The following SUGCT variants were observed in gnomAD, a reference collection of about 807,000 sequenced individuals.
The protein encoded by SUGCT is succinyl-CoA:glutarate CoA-transferase.
In SUGCT, 41 loss-of-function variants were observed where a neutral mutation model predicts 55.0. The ratio of observed to expected loss-of-function variants is 0.74; its 90% CI spans 0.58 to 0.97. SUGCT has a LOEUF of 0.97. Among genes scored for constraint, SUGCT ranks in the 50% least tolerant of loss-of-function variants. The pLI is 0.00. For missense variants in SUGCT, 568 were observed against 547.8 expected, an observed-to-expected ratio of 1.04 and a Z score of -0.37; for synonymous variants, 187 against 200.4, an observed-to-expected ratio of 0.93 and a Z score of 0.56.
At chr7:40,708,282 T>C (rs1785526241) in intron 12 of SUGCT, among the ~76,000 whole-genome samples, 1 of 152,174 alleles carries the variant, frequency 6.6e-6, no homozygotes, top group Admixed American at 6.5e-5. Flanking sequence ...TGAGACTTGA[T>C]GCCCTTCATT....
intron 13 of SUGCT, among the ~76,000 whole-genome samples, chr7:40,811,476 T>G (rs563677556): frequency 6.6e-6 from 1 of 152,122 alleles, no homozygotes; most frequent in South Asian, 2.1e-4. Flanking sequence ...TGTAGAGCTC[T>G]TTTTTGTCCT....
chr7:40,788,483 A>G (rs1348479738), intron 13 of SUGCT, among the ~76,000 whole-genome samples: 1 of 152,248 alleles, frequency 6.6e-6, no homozygotes, highest in African/African-American at 2.4e-5. Flanking sequence ...AGTTACAAAC[A>G]CACATAAAAC....
intron 12 of SUGCT, among the ~76,000 whole-genome samples, chr7:40,588,384 G>A (rs1157679158): frequency 6.6e-6 from 1 of 152,054 alleles, no homozygotes; most frequent in Non-Finnish European, 1.5e-5. Context: ...GTTTTGTTAT[G>A]TATTCATAAA....
chr7:40,983,820 G>A, the SUGCT span, among the ~76,000 whole-genome samples: 2 of 152,186 alleles, frequency 1.3e-5, no homozygotes, highest in Non-Finnish European at 2.9e-5. Flanking sequence ...GATTGGAAAT[G>A]ATCGGTTTGC....
At chr7:40,971,193 G>A in the SUGCT span, among the ~76,000 whole-genome samples, 1 of 152,104 alleles carries the variant, frequency 6.6e-6, no homozygotes, top group Non-Finnish European at 1.5e-5. Context: ...GGCAAGAGCG[G>A]GAGCAAGAGA....
At chr7:40,945,092 T>G in the SUGCT span, among the ~76,000 whole-genome samples, 1 of 152,090 alleles carries the variant, frequency 6.6e-6, no homozygotes, top group Non-Finnish European at 1.5e-5. Context: ...AGAGGGGATA[T>G]CTATGGGTAA....
the SUGCT span, among the ~76,000 whole-genome samples, chr7:41,024,189 A>G: frequency 2.0e-5 from 3 of 152,200 alleles, no homozygotes; most frequent in Non-Finnish European, 2.9e-5. Context: ...CTATACAGAA[A>G]ATTACGTTCC....
intron 9 of SUGCT, among the ~76,000 whole-genome samples, chr7:40,392,590 G>A (rs146356860): frequency 5.0e-4 from 76 of 152,218 alleles, no homozygotes; most frequent in African/African-American, 1.8e-3. Flanking sequence ...GAGAATCTGT[G>A]TTAAAAAGCT....
the SUGCT span, among the ~76,000 whole-genome samples, chr7:40,930,995 G>T: frequency 6.6e-6 from 1 of 152,156 alleles, no homozygotes; most frequent in East Asian, 1.9e-4. Context: ...TCCCTGTCTT[G>T]TGCCAGTTTT....
intron 9 of SUGCT, among the ~76,000 whole-genome samples, chr7:40,444,441 C>A: frequency 6.6e-6 from 1 of 152,106 alleles, no homozygotes; most frequent in East Asian, 1.9e-4. Flanking sequence ...TCCTTCACAT[C>A]CCTTGTAAGT....
the SUGCT span, among the ~76,000 whole-genome samples, chr7:40,867,427 A>G: frequency 1.6e-4 from 25 of 151,920 alleles, no homozygotes; most frequent in Admixed American, 5.3e-4. Flanking sequence ...AAAAATTCTG[A>G]AAAACGTTAG....
intron 9 of SUGCT, among the ~76,000 whole-genome samples, chr7:40,410,415 G>A (rs193032963): frequency 6.6e-6 from 1 of 152,098 alleles, no homozygotes; most frequent in African/African-American, 2.4e-5. Flanking sequence ...TCTTCCTTCA[G>A]CTTCCAGATT....
chr7:40,792,222 G>A (rs1050065579), intron 13 of SUGCT, among the ~76,000 whole-genome samples: 18 of 152,102 alleles, frequency 1.2e-4, no homozygotes, highest in Admixed American at 2.0e-4. Context: ...CGCCTGTGTC[G>A]TAGAACAGGA....
In SUGCT at chr7:40,499,970, G is replaced by A. The variant is rs549722928; in HGVS notation, c.1089+3584G>A. Among the ~76,000 whole-genome samples the A allele has an allele frequency of 1.1e-3, 165 of 152,160 alleles. 1 individual carries two copies. The highest frequency in any genetic ancestry group is 3.9e-3 in the African/African-American group (161 of 41,512). ...TGAAACACACTTAAAAGAAAATACAGCTTTTAATAGAAACTATTCAAATTC... is the reference window on the plus strand; with the variant it reads ...TGAAACACACTTAAAAGAAAATACAACTTTTAATAGAAACTATTCAAATTC... On this transcript the variant is annotated intron_variant, in intron 12 of 13. Coordinates refer to ENST00000335693, the MANE Select transcript of SUGCT (RefSeq NM_001193313.2).
At chr7:40,812,880 G>A (rs1039353702) in intron 13 of SUGCT, among the ~76,000 whole-genome samples, 4 of 151,936 alleles carry the variant, frequency 2.6e-5, no homozygotes, top group African/African-American at 9.7e-5. Flanking sequence ...TCTTATCACT[G>A]TTTTTGCTAT....
chr7:40,195,156 T>G (rs1786173878), intron 6 of SUGCT, 96 bp downstream of exon 6: 2 of 1,059,342 alleles, frequency 1.9e-6, no homozygotes, highest in East Asian at 5.3e-5. Context: ...TTTTTTTTTT[T>G]GGAAGTTATT....
intron 6 of SUGCT, among the ~76,000 whole-genome samples, chr7:40,221,494 C>CTTTTTTTTTTTTTTTT (rs1452847552): frequency 7.7e-6 from 1 of 130,598 alleles, no homozygotes; most frequent in African/African-American, 2.8e-5. Context: ...TGTTATTGGT[C>CTTTTTTTTTTTTTTTT]TTTTTTTTTT....
intron 9 of SUGCT, among the ~76,000 whole-genome samples, chr7:40,372,896 A>G (rs781666168): frequency 2.6e-5 from 4 of 152,040 alleles, no homozygotes. Flanking sequence ...TCCTCCAATA[A>G]TTTATAATTC....
chr7:40,497,542 G>T (rs1363777772), intron 12 of SUGCT, among the ~76,000 whole-genome samples: 1 of 152,126 alleles, frequency 6.6e-6, no homozygotes, highest in African/African-American at 2.4e-5. Flanking sequence ...TGTACTATGT[G>T]AATTCATCTG....
Sources: allele counts gnomAD v4.1 joint callset (sites outside exome capture counted in the v4.1 genomes callset), GRCh38; gene constraint gnomAD v4.1.1; transcripts MANE v1.5; gene names NCBI Gene and HGNC (gene_info 2026-07-23, HGNC 2026-07-21).